Variants in NEDD4L observed in about 807,000 individuals in gnomAD.
The protein encoded by NEDD4L is NEDD4 like E3 ubiquitin protein ligase, also known as E3 ubiquitin-protein ligase NEDD4-like.
NEDD4L carries 54 observed loss-of-function variants against 148.9 expected under a neutral mutation model. The ratio of observed to expected loss-of-function variants is 0.36; its 90% CI spans 0.29 to 0.45. The LOEUF is 0.45. NEDD4L is among the 20% of genes least tolerant of loss of function. NEDD4L has a pLI of 1.00. For missense variants in NEDD4L, 856 were observed against 1,233.8 expected (o/e 0.69, Z 4.59); for synonymous variants, 433 against 440.7 (o/e 0.98, Z 0.22).
chr18:58,076,577 C>A (rs1223993442), intron 1 of NEDD4L, among the ~76,000 whole-genome samples: 1 of 151,806 alleles, frequency 6.6e-6, no homozygotes, highest in Non-Finnish European at 1.5e-5. Context: ...GGTTTGGATC[C>A]ATTTTCTTTC....
chr18:58,288,471 AT>A (rs974505177), intron 5 of NEDD4L, among the ~76,000 whole-genome samples: 20 of 152,236 alleles, frequency 1.3e-4, no homozygotes, highest in African/African-American at 4.8e-4. Flanking sequence ...CTGTAATATG[AT>A]TTGGTAATTG....
chr18:58,149,531 C>T, intron 1 of NEDD4L: 1 of 1,551,296 alleles, frequency 6.4e-7, no homozygotes. Context: ...ATTGTATTCT[C>T]CTAAATGAGA....
At chr18:58,316,063 G>C in intron 6 of NEDD4L, 31 bp downstream of exon 6, 1 of 1,576,360 alleles carries the variant, frequency 6.3e-7, no homozygotes, top group Admixed American at 1.7e-5. Flanking sequence ...GATGCTTCGT[G>C]CTGGGGGCGG....
intron 1 of NEDD4L, among the ~76,000 whole-genome samples, chr18:58,127,458 C>T (rs528413103): frequency 2.6e-5 from 4 of 152,236 alleles, no homozygotes; most frequent in Admixed American, 2.6e-4. Context: ...GTAATCTCCA[C>T]ACTGGGAGGC....
chr18:58,385,422 G>T, intron 25 of NEDD4L, 104 bp from the exon 26 acceptor site: 1 of 900,742 alleles, frequency 1.1e-6, no homozygotes, highest in Non-Finnish European at 1.9e-6. Context: ...CCTCCCCTCT[G>T]CTCTGCTGTC....
intron 24 of NEDD4L, 86 bp from the exon 25 acceptor site, chr18:58,383,160 C>T: frequency 1.3e-6 from 1 of 741,132 alleles, no homozygotes. Flanking sequence ...ATGTTGTCTT[C>T]CCTTTATAGT....
At chr18:58,375,973 A>G (rs2047514386) in intron 24 of NEDD4L, among the ~76,000 whole-genome samples, 1 of 152,196 alleles carries the variant, frequency 6.6e-6, no homozygotes, top group African/African-American at 2.4e-5. Context: ...CATTTTTAAC[A>G]TATGAAGGAA....
At chr18:58,281,598 C>T (rs529419669) in intron 5 of NEDD4L, among the ~76,000 whole-genome samples, 39 of 151,696 alleles carry the variant, frequency 2.6e-4, no homozygotes, top group South Asian at 2.5e-3. Context: ...AACAAGAGCA[C>T]GGTATTACAA....
intron 2 of NEDD4L, among the ~76,000 whole-genome samples, chr18:58,223,496 T>C (rs2043998347): frequency 6.6e-6 from 1 of 152,188 alleles, no homozygotes; most frequent in South Asian, 2.1e-4. Flanking sequence ...GCTTTTGTGG[T>C]CTTGACGGTT....
chr18:58,273,957 C>A (rs1411307554), intron 5 of NEDD4L, among the ~76,000 whole-genome samples: 1 of 152,228 alleles, frequency 6.6e-6, no homozygotes, highest in Admixed American at 6.5e-5. Flanking sequence ...ATTTCCCCTC[C>A]CCTGGAGTCC....
intron 2 of NEDD4L, among the ~76,000 whole-genome samples, chr18:58,213,158 A>G (rs370810909): frequency 6.6e-6 from 1 of 151,846 alleles, no homozygotes; most frequent in South Asian, 2.1e-4. Context: ...CAGTTGGGAA[A>G]TTGAAAAGCA....
chr18:58,373,248 A>G lies in NEDD4L; in HGVS notation c.2331A>G (p.Ile777Met). 1 of 1,578,736 alleles carries G rather than the reference A, an allele frequency of 6.3e-7. No individual in the cohort carries two copies. Residue 777 changes from isoleucine to methionine, a missense_variant, in exon 24 of 31, where the codon ATA becomes ATG. Ile to Met is a conservative substitution (Grantham distance 10). Transcript: ENST00000400345. The stretch of plus-strand genomic sequence containing the variant: ...CTGAGCTGGACCTCATGTTCTGCAT[A>G]GACGAAGAAAACTTTGGACAGGTAC... ...DPTELDLMFC[I>M]DEENFGQTYQ... is the part of the protein sequence containing the mutation.
chr18:58,321,020 G>A (rs2058724226), intron 6 of NEDD4L, among the ~76,000 whole-genome samples: 1 of 152,134 alleles, frequency 6.6e-6, no homozygotes, highest in Non-Finnish European at 1.5e-5. Flanking sequence ...AATTTTGAGA[G>A]CCTCCATAGT....
At chr18:58,349,480 TAA>T (rs1290793375) in intron 16 of NEDD4L, 55 bp from the exon 17 acceptor site, 1 of 1,447,460 alleles carries the variant, frequency 6.9e-7, no homozygotes, top group Non-Finnish European at 9.7e-7. Context: ...AAGCACCCAG[TAA>T]CTGCACACAG....
At position 58,396,613 on chromosome 18, in the gene NEDD4L, A is replaced by G. The variant is rs1335278427; in HGVS notation, c.*344A>G. 5.5e-6 allele frequency: 1 copy of G among 180,800 alleles called. No homozygotes were observed. The highest frequency in any genetic ancestry group is 1.4e-4 in the East Asian group (1 of 6,928). 11.2% of individuals were successfully genotyped at this position (180,800 alleles called of 1,614,324 possible). ...ATGGAATTAATCACTCAACAGGTATAGTATTACGACTCATGTTTACTTTTT... is the reference window on the plus strand; with the variant it reads ...ATGGAATTAATCACTCAACAGGTATGGTATTACGACTCATGTTTACTTTTT... On this transcript the variant is annotated 3_prime_UTR_variant, in exon 31 of 31. Transcript: ENST00000400345.
At chr18:58,145,208 A>T (rs1488540394) in intron 1 of NEDD4L, among the ~76,000 whole-genome samples, 4 of 152,204 alleles carry the variant, frequency 2.6e-5, no homozygotes, top group Admixed American at 1.3e-4. Context: ...CCAACTGGAA[A>T]GGGAGTCGGG....
Position 58,340,306 on chromosome 18 carries a change from G to A in NEDD4L, c.1126-732G>A, listed in dbSNP as rs2042261282. Among the ~76,000 whole-genome samples, 3 of 152,144 alleles carry A rather than the reference G, an allele frequency of 2.0e-5. No homozygotes were observed. In the South Asian group the frequency reaches 6.2e-4, roughly 32 times the overall value. On this transcript the variant is annotated intron_variant, in intron 13 of 30. Coordinates refer to ENST00000400345, the MANE Select transcript of NEDD4L (RefSeq NM_001144967.3). ...ATCAAATGTGGACTGTCTAAATACA[G>A]TCACTCTATGCGGGGCAGGTCTCTA...
At chr18:58,188,437 G>A (rs573878819) in intron 2 of NEDD4L, among the ~76,000 whole-genome samples, 55 of 152,282 alleles carry the variant, frequency 3.6e-4, no homozygotes, top group African/African-American at 1.1e-3. Flanking sequence ...AGGAACCACC[G>A]AGTGGGTCCA....
intron 14 of NEDD4L, 92 bp downstream of exon 14, chr18:58,341,261 T>C (rs2042385629): frequency 1.4e-6 from 2 of 1,390,572 alleles, no homozygotes; most frequent in African/African-American, 1.5e-5. Flanking sequence ...TGTATTGTTC[T>C]GAAAGACCCG....
Sources: gnomAD v4.1 joint callset for allele counts (sites outside exome capture counted in the v4.1 genomes callset) on GRCh38, gnomAD v4.1.1 for gene constraint, MANE v1.5 for transcripts, NCBI Gene and HGNC (gene_info 2026-07-23, HGNC 2026-07-21) for gene names.